Variants in RPH3AL observed in about 807,000 individuals in gnomAD.
RPH3AL encodes rabphilin 3A like (without C2 domains).
RPH3AL carries 38 observed loss-of-function variants against 43.1 expected under a neutral mutation model. That is an observed-to-expected ratio of 0.88 (90% CI 0.68 to 1.15). The LOEUF is 1.15. Among genes scored for constraint, RPH3AL ranks in the 50% most tolerant of loss-of-function variants. The pLI, the probability that RPH3AL is intolerant of heterozygous loss-of-function variation, is 0.00. For missense variants in RPH3AL, 462 were observed against 423.2 expected, an observed-to-expected ratio of 1.09 and a Z score of -0.81; for synonymous variants, 189 against 176.3, an observed-to-expected ratio of 1.07 and a Z score of -0.57.
chr17:252,593 T>G (rs9892618), intron 6 of RPH3AL, among the ~76,000 whole-genome samples: 1 of 151,920 alleles, frequency 6.6e-6, no homozygotes, highest in Non-Finnish European at 1.5e-5. Context: ...TTTATTAAAC[T>G]TAAGTAATCC....
Position 274,501 on chromosome 17 carries a change from G to A in RPH3AL, c.438+7267C>T, listed in dbSNP as rs527516976. Among the ~76,000 whole-genome samples, 19 of 152,366 alleles carry A rather than the reference G, an allele frequency of 1.2e-4. No individual in the cohort carries two copies. Among genetic ancestry groups the A allele is most frequent in the African/African-American group, 4.1e-4 (17 of 41,586 alleles). ...ACAGCTTCCAGAATCTAGCCAGTCC[G>A]GCAATGTGAGTTGCATTGGGGAAGG... is the stretch of plus-strand genomic sequence containing the variant. On this transcript the variant is annotated intron_variant, in intron 6 of 9. Coordinates refer to ENST00000331302, the MANE Select transcript of RPH3AL (RefSeq NM_006987.4). This position sits in a 1 kb window ranked among gnomAD's most constrained non-coding sequence, Gnocchi z 4.7.
At chr17:263,485 C>T (rs920195638) in intron 6 of RPH3AL, among the ~76,000 whole-genome samples, 5 of 152,186 alleles carry the variant, frequency 3.3e-5, no homozygotes, top group East Asian at 1.9e-4. Context: ...GGCAAGGAGC[C>T]GCCGGGCGAC....
At chr17:313,635 G>C (rs2043711333) in intron 5 of RPH3AL, among the ~76,000 whole-genome samples, 1 of 152,176 alleles carries the variant, frequency 6.6e-6, no homozygotes, top group African/African-American at 2.4e-5. Context: ...GGTGTACCTA[G>C]TCTTGCTTCA....
chr17:314,087 G>C (rs532099741), intron 5 of RPH3AL, among the ~76,000 whole-genome samples: 14 of 152,186 alleles, frequency 9.2e-5, no homozygotes, highest in Non-Finnish European at 1.6e-4. Flanking sequence ...CCCCAGGACA[G>C]CCACTGTTGC....
chr17:250,722 A>C (rs1227701471), intron 6 of RPH3AL, among the ~76,000 whole-genome samples: 3 of 147,074 alleles, frequency 2.0e-5, no homozygotes, highest in African/African-American at 7.9e-5. Context: ...AGCCTTTACT[A>C]AGCTTCATCC....
At chr17:347,592 A>AC (rs200537275) in intron 1 of RPH3AL, among the ~76,000 whole-genome samples, 3 of 151,638 alleles carry the variant, frequency 2.0e-5, no homozygotes, top group Non-Finnish European at 2.9e-5. Flanking sequence ...CAAAAAAAAA[A>AC]CCAGCCCAGC....
At chr17:253,324 C>T (rs1354408803) in intron 6 of RPH3AL, among the ~76,000 whole-genome samples, 1 of 152,098 alleles carries the variant, frequency 6.6e-6, no homozygotes, top group African/African-American at 2.4e-5. Flanking sequence ...GTGGCCAAGC[C>T]ATCTCTGTCG....
In RPH3AL at chr17:321,431, C is replaced by T; in HGVS notation, c.78-16G>A. On this transcript the variant is annotated splice_polypyrimidine_tract_variant and intron_variant, in intron 3 of 9. Transcript: ENST00000331302. ...CGTCTGCAGCCTCGAGAGGGAACAGCACAGACGGCGTGGAGGCCTCCCCGG... is the reference window on the plus strand; with the variant it reads ...CGTCTGCAGCCTCGAGAGGGAACAGTACAGACGGCGTGGAGGCCTCCCCGG... The T allele has an allele frequency of 1.3e-6, 2 of 1,580,158 alleles. No homozygotes were observed. The highest frequency in any genetic ancestry group is 1.7e-6 in the Non-Finnish European group (2 of 1,163,046).
intron 8 of RPH3AL, among the ~76,000 whole-genome samples, chr17:219,099 C>T (rs1293018263): frequency 6.6e-6 from 1 of 151,862 alleles, no homozygotes; most frequent in African/African-American, 2.4e-5. Flanking sequence ...ATCCCTAGGC[C>T]TGCTTCTCCT....
At chr17:314,813 A>G in intron 5 of RPH3AL, among the ~76,000 whole-genome samples, 1 of 131,496 alleles carries the variant, frequency 7.6e-6, no homozygotes, top group African/African-American at 3.4e-5. Context: ...CTCCACGTCC[A>G]TTGACCTGTA....
At chr17:258,210 C>G (rs2042108713) in intron 6 of RPH3AL, among the ~76,000 whole-genome samples, 1 of 152,158 alleles carries the variant, frequency 6.6e-6, no homozygotes, top group African/African-American at 2.4e-5. Flanking sequence ...TCTCCCCCAC[C>G]AGGCTCCACC....
intron 7 of RPH3AL, among the ~76,000 whole-genome samples, chr17:233,628 G>A (rs1175630428): frequency 1.3e-5 from 2 of 152,166 alleles, no homozygotes; most frequent in African/African-American, 4.8e-5. Flanking sequence ...GGACATGAGG[G>A]CCCTTCCCTT....
At position 224,857 on chromosome 17, in the gene RPH3AL, C is replaced by T. The variant is rs1244782890; in HGVS notation, c.614-5121G>A. 5.3e-5 allele frequency among the ~76,000 whole-genome samples: 8 copies of T among 151,280 alleles called. No homozygotes were observed. In the South Asian group the frequency reaches 6.2e-4, roughly 12 times the overall value. The stretch of plus-strand genomic sequence containing the variant: ...GAAACCATCATTCTCAGCAAACTAT[C>T]GCAAAGACAAAAAACCAAACAGTGC... On this transcript the variant is annotated intron_variant, in intron 7 of 9. Transcript: ENST00000331302.
chr17:306,676 C>T (rs1189575330), intron 5 of RPH3AL: 1 of 151,150 alleles, frequency 6.6e-6, no homozygotes, highest in East Asian at 2.0e-4. Flanking sequence ...ATGAGACTGT[C>T]GTTTCCCTGC....
chr17:285,556 C>T (rs778259472), intron 5 of RPH3AL, among the ~76,000 whole-genome samples: 3 of 152,186 alleles, frequency 2.0e-5, no homozygotes, highest in Non-Finnish European at 4.4e-5. Context: ...ACGGTAGCCA[C>T]CAGCTGCAGG....
At position 246,448 on chromosome 17, in the gene RPH3AL, G is replaced by A. The variant is rs1367332501; in HGVS notation, c.613+663C>T. Reference sequence around the variant, plus strand: ...GGAAGTCCCTCCTCTTCTCTGAGCCGCAGGTACACCCATCTATAAAATGCA... The same window carrying A: ...GGAAGTCCCTCCTCTTCTCTGAGCCACAGGTACACCCATCTATAAAATGCA... On this transcript the variant is annotated intron_variant, in intron 7 of 9. Coordinates refer to ENST00000331302, the MANE Select transcript of RPH3AL (RefSeq NM_006987.4). The surrounding 1 kb of genome is among the most constrained non-coding windows in gnomAD (Gnocchi z 4.8). Among the ~76,000 whole-genome samples the A allele has an allele frequency of 1.3e-5, 2 of 152,122 alleles. No individual in the cohort carries two copies. The highest frequency in any genetic ancestry group is 2.4e-5 in the African/African-American group (1 of 41,422).
chr17:337,362 A>G (rs57160790), intron 1 of RPH3AL, among the ~76,000 whole-genome samples: 40,954 of 152,102 alleles, frequency 0.27, 5,818 homozygotes, highest in Admixed American at 0.33. Context: ...CAGCCTCCCA[A>G]GTAGCTGGGA....
At chr17:266,203 GGTGTGTGTGT>G (rs35841649) in intron 6 of RPH3AL, among the ~76,000 whole-genome samples, 1 of 148,618 alleles carries the variant, frequency 6.7e-6, no homozygotes, top group Non-Finnish European at 1.5e-5. Flanking sequence ...AGGCCCCAGT[GGTGTGTGTGT>G]GTGTGTGTGT....
At chr17:227,217 A>T (rs1159059828) in intron 7 of RPH3AL, among the ~76,000 whole-genome samples, 5 of 152,224 alleles carry the variant, frequency 3.3e-5, no homozygotes, top group African/African-American at 1.2e-4. Flanking sequence ...CCCCAGCGCC[A>T]GCCGTGCCCA....
Sources: allele counts gnomAD v4.1 joint callset (sites outside exome capture counted in the v4.1 genomes callset), GRCh38; gene constraint gnomAD v4.1.1; non-coding constraint Gnocchi (gnomAD v3.1); transcripts MANE v1.5; gene names NCBI Gene and HGNC (gene_info 2026-07-23, HGNC 2026-07-21).